Variants in SYNE3 observed in about 807,000 individuals in gnomAD.
The protein encoded by SYNE3 is nesprin-3.
A neutral mutation model predicts 111.2 loss-of-function variants in SYNE3; 100 were observed. That is an observed-to-expected ratio of 0.90 (90% CI 0.77 to 1.06). The LOEUF (loss-of-function observed/expected upper bound fraction) is 1.06. Ranked by LOEUF, SYNE3 falls within the 50% of genes least tolerant of loss-of-function variation. SYNE3 has a pLI of 0.00. For missense variants in SYNE3, 1,160 were observed against 1,240.3 expected (o/e 0.94, Z 0.97); for synonymous variants, 547 against 533.9 (o/e 1.02, Z -0.34).
chr14:95,501,170 A>C (rs1329347604), intron 1 of SYNE3, among the ~76,000 whole-genome samples: 1 of 152,172 alleles, frequency 6.6e-6, no homozygotes, highest in African/African-American at 2.4e-5. Context: ...CCCAGCCTGC[A>C]AGCTGCTGGC....
Position 95,466,247 on chromosome 14 carries a change from G to A in SYNE3, c.318-7C>T, listed in dbSNP as rs1180888506. On this transcript the variant is annotated splice_region_variant and splice_polypyrimidine_tract_variant and intron_variant, in intron 3 of 17. Coordinates refer to ENST00000682763, the MANE Select transcript of SYNE3 (RefSeq NM_152592.6). ...CCACACCCACTCGATGCGGCTGTGG[G>A]CACAGAGACCTCAAGGTTGTGAGGG... 6.4e-6 allele frequency: 10 copies of A among 1,554,352 alleles called. No individual in the cohort carries two copies. Among genetic ancestry groups the A allele is most frequent in the Non-Finnish European group, 8.7e-6 (10 of 1,143,240 alleles).
At position 95,410,950 on chromosome 14, in the gene SYNE3, C is replaced by T. The variant is rs538639013; in HGVS notation, c.*6876G>A. Reference sequence around the variant, plus strand: ...TCAGCAGCAGAGTTCCAACTCAACCCTGTCTAGTGCTGAGCAGTATCAAGC... The same window carrying T: ...TCAGCAGCAGAGTTCCAACTCAACCTTGTCTAGTGCTGAGCAGTATCAAGC... On this transcript the variant is annotated 3_prime_UTR_variant, in exon 18 of 18. Transcript: ENST00000682763. 1 of 152,364 alleles carries T rather than the reference C, an allele frequency of 6.6e-6. No homozygotes were observed. The highest frequency in any genetic ancestry group is 1.5e-5 in the Non-Finnish European group (1 of 68,088). The allele number at this position is 152,364 out of a possible 1,614,324, so 9.4% of individuals were successfully genotyped here.
At chr14:95,436,545 G>C (rs928000396) in intron 15 of SYNE3, among the ~76,000 whole-genome samples, 5 of 152,212 alleles carry the variant, frequency 3.3e-5, no homozygotes, top group Non-Finnish European at 5.9e-5. Context: ...TGTTGGGATG[G>C]TGTGTCACAC....
In SYNE3 at chr14:95,498,868, C is replaced by T. The variant is rs111236529; in HGVS notation, c.-15+17728G>A. Among the ~76,000 whole-genome samples, 1,272 of 152,284 alleles carry T rather than the reference C, an allele frequency of 8.4e-3. 23 individuals are homozygous for T. Among genetic ancestry groups the T allele is most frequent in the African/African-American group, 0.029 (1,195 of 41,546 alleles). ...TGGCCCTGGGTCTATGGCAGCAGGA[C>T]AAGGCGGACTAGAAAGCCTGGCATG... On this transcript the variant is annotated intron_variant, in intron 1 of 17. Transcript: ENST00000682763.
intron 1 of SYNE3, among the ~76,000 whole-genome samples, chr14:95,483,366 G>A (rs955956754): frequency 5.3e-5 from 8 of 152,112 alleles, no homozygotes; most frequent in African/African-American, 1.7e-4. Context: ...CGCTTGCCGT[G>A]ACTCACTCGG....
intron 14 of SYNE3, chr14:95,438,059 T>C (rs537278944): frequency 6.6e-4 from 100 of 152,292 alleles, no homozygotes; most frequent in African/African-American, 2.3e-3. Context: ...CTGCATTTTA[T>C]CTTATTTCAT....
intron 17 of SYNE3, among the ~76,000 whole-genome samples, chr14:95,421,204 T>A (rs563623547): frequency 6.6e-6 from 1 of 152,262 alleles, no homozygotes; most frequent in South Asian, 2.1e-4. Flanking sequence ...GAAAACGGAC[T>A]AATACATCAT....
chr14:95,467,830 C>T lies in SYNE3; in HGVS notation c.282G>A (p.Trp94Ter). The change falls in exon 3 of 18, where the codon TGG becomes TGA. Residue 94 changes from tryptophan to a stop codon, truncating the protein, a stop_gained. Transcript: ENST00000682763. LOFTEE classifies it high-confidence loss of function. ...GAGTCATGTAGGTGACTGTCTCCTCCCATTGGGCCTTGATGTCCTTCAGCC... is the reference window on the plus strand; with the variant it reads ...GAGTCATGTAGGTGACTGTCTCCTCTCATTGGGCCTTGATGTCCTTCAGCC... ...LARLKDIKAQ[W>*]EETVTYMTHC... The T allele has an allele frequency of 6.2e-7, 1 of 1,614,196 alleles. No homozygotes were observed. The highest frequency in any genetic ancestry group is 8.5e-7 in the Non-Finnish European group (1 of 1,180,040).
chr14:95,434,567 T>C (rs951405724), intron 15 of SYNE3, among the ~76,000 whole-genome samples: 12 of 152,170 alleles, frequency 7.9e-5, no homozygotes, highest in African/African-American at 2.9e-4. Flanking sequence ...ACTCAAGCCT[T>C]GAACTTGGAT....
intron 13 of SYNE3, 109 bp from the exon 14 acceptor site, chr14:95,439,271 C>G (rs1312927385): frequency 6.7e-7 from 1 of 1,497,232 alleles, no homozygotes; most frequent in Non-Finnish European, 9.2e-7. Flanking sequence ...CAGTGCCCCC[C>G]ACTGAAGTTT....
At chr14:95,429,959 G>A (rs1885651113) in intron 17 of SYNE3, 1 of 954,378 alleles carries the variant, frequency 1.0e-6, no homozygotes, top group African/African-American at 2.0e-5. Context: ...TCTTGGCACA[G>A]TCAGAACTAA....
intron 7 of SYNE3, chr14:95,451,250 G>A (rs976375162): frequency 1.2e-4 from 19 of 152,350 alleles, no homozygotes; most frequent in African/African-American, 3.6e-4. Context: ...AAGCCTTGAA[G>A]ATAAATTATG....
At chr14:95,463,714 T>C (rs1486564734) in intron 4 of SYNE3, among the ~76,000 whole-genome samples, 2 of 152,222 alleles carry the variant, frequency 1.3e-5, no homozygotes, top group Non-Finnish European at 2.9e-5. Context: ...TGCCCATCCA[T>C]TCTGGGCCTT....
At position 95,439,648 on chromosome 14, in the gene SYNE3, C is replaced by G. The variant is rs755851563; in HGVS notation, c.2210G>C (p.Trp737Ser). 2 of 1,613,438 alleles carry G rather than the reference C, an allele frequency of 1.2e-6. No individual in the cohort carries two copies. Among genetic ancestry groups the G allele is most frequent in the Admixed American group, 1.7e-5 (1 of 60,032 alleles). Residue 737 changes from tryptophan to serine, a missense_variant, in exon 13 of 18, where the codon TGG becomes TCG. Trp to Ser is a radical substitution (Grantham distance 177). Transcript: ENST00000682763. The part of the protein sequence containing the change: ...QEELRELAES[W>S]RALRLLEESL... Reference sequence around the variant, plus strand: ...TTCTTCCAGCAGCCTCAAGGCCCGCCACGACTCTGCCAGCTCCCTGAGCTC... The same window carrying G: ...TTCTTCCAGCAGCCTCAAGGCCCGCGACGACTCTGCCAGCTCCCTGAGCTC...
chr14:95,432,259 T>G (rs1885817270), intron 16 of SYNE3, 142 bp from the exon 17 acceptor site: 1 of 943,514 alleles, frequency 1.1e-6, no homozygotes, highest in Non-Finnish European at 1.6e-6. Context: ...CTGGACAGCC[T>G]GAGCCAGCAG....
intron 17 of SYNE3, among the ~76,000 whole-genome samples, chr14:95,422,347 G>C (rs1885173625): frequency 3.9e-5 from 6 of 152,068 alleles, no homozygotes; most frequent in Admixed American, 2.6e-4. Flanking sequence ...ATCTCTGTGA[G>C]GCCGACTTTC....
chr14:95,464,350 G>T, intron 4 of SYNE3, among the ~76,000 whole-genome samples: 1 of 152,162 alleles, frequency 6.6e-6, no homozygotes, highest in East Asian at 1.9e-4. Context: ...TAATGCTCAG[G>T]CTGGAGTAAG....
intron 1 of SYNE3, among the ~76,000 whole-genome samples, chr14:95,511,646 C>T (rs1890724175): frequency 6.6e-6 from 1 of 152,042 alleles, no homozygotes; most frequent in South Asian, 2.1e-4. Flanking sequence ...ACCCGGGAGG[C>T]AGAGGTTACG....
intron 7 of SYNE3, chr14:95,451,766 G>GTTCCACA: frequency 7.8e-6 from 1 of 127,434 alleles, no homozygotes; most frequent in African/African-American, 2.8e-5. Flanking sequence ...TCAACACTTT[G>GTTCCACA]CTCGGTTCCA....
Sources: gnomAD v4.1 joint callset for allele counts (sites outside exome capture counted in the v4.1 genomes callset) on GRCh38, gnomAD v4.1.1 for gene constraint, MANE v1.5 for transcripts, NCBI Gene and HGNC (gene_info 2026-07-23, HGNC 2026-07-21) for gene names.